Variants in AKAP7 observed in about 807,000 individuals in gnomAD.
AKAP7 encodes A-kinase anchoring protein 7.
Under a neutral mutation model 39.5 loss-of-function variants are expected in AKAP7, and 39 were observed. That is an observed-to-expected ratio of 0.99 (90% CI 0.76 to 1.29). The LOEUF (loss-of-function observed/expected upper bound fraction) is 1.29, where lower values mean the gene tolerates loss of function less well. Among genes scored for constraint, AKAP7 ranks in the 50% most tolerant of loss-of-function variants. The pLI, the probability that AKAP7 is intolerant of heterozygous loss-of-function variation, is 0.00. For missense variants in AKAP7, 414 were observed against 407.7 expected (o/e 1.02, Z -0.13); for synonymous variants, 140 against 139.1 (o/e 1.01, Z -0.05).
chr6:131,178,740 CT>C (rs1804818066), intron 5 of AKAP7, among the ~76,000 whole-genome samples: 2 of 152,196 alleles, frequency 1.3e-5, no homozygotes, highest in Admixed American at 1.3e-4. Flanking sequence ...CTATCTCCTT[CT>C]GTTTGACCTG....
chr6:131,221,505 A>G (rs1809694278), intron 7 of AKAP7, among the ~76,000 whole-genome samples: 1 of 152,244 alleles, frequency 6.6e-6, no homozygotes, highest in South Asian at 2.1e-4. Flanking sequence ...ACAGATTTTC[A>G]ATGTAGACAA....
intron 7 of AKAP7, among the ~76,000 whole-genome samples, chr6:131,234,373 T>A (rs777448045): frequency 6.6e-6 from 1 of 152,154 alleles, no homozygotes; most frequent in African/African-American, 2.4e-5. Flanking sequence ...GTAATGAAGT[T>A]AATGGGAACC....
At chr6:131,256,730 A>ATTATTATTATTATT (rs1227482379) in intron 7 of AKAP7, among the ~76,000 whole-genome samples, 14 of 151,304 alleles carry the variant, frequency 9.3e-5, no homozygotes, top group Admixed American at 8.6e-4. Flanking sequence ...TATTATTATT[A>ATTATTATTATTATT]TTATTAAAGA....
At chr6:131,278,750 C>T (rs1032145042) in intron 7 of AKAP7, among the ~76,000 whole-genome samples, 3 of 152,160 alleles carry the variant, frequency 2.0e-5, no homozygotes, top group African/African-American at 7.2e-5. Flanking sequence ...GGGAAACACA[C>T]CTCCATGATC....
intron 2 of AKAP7, 65 bp downstream of exon 2, chr6:131,145,481 AT>A (rs1325620819): frequency 6.5e-5 from 71 of 1,094,824 alleles, no homozygotes; most frequent in South Asian, 3.2e-4. Context: ...TTATATATAT[AT>A]TTTTTTCTTT....
intron 5 of AKAP7, among the ~76,000 whole-genome samples, chr6:131,192,889 A>G (rs943042381): frequency 2.0e-5 from 3 of 152,022 alleles, no homozygotes; most frequent in East Asian, 1.9e-4. Flanking sequence ...GTTGTTCACT[A>G]TTGTCATATA....
Position 131,282,512 on chromosome 6 carries a change from C to T in AKAP7, c.*786C>T. 1.3e-6 allele frequency: 2 copies of T among 1,535,832 alleles called. No individual in the cohort carries two copies. Among genetic ancestry groups the T allele is most frequent in the Non-Finnish European group, 1.7e-6 (2 of 1,146,782 alleles). ...GGAACTTTTATTAAAGCCTGAGACT[C>T]AGGCCAGAATTAGGAGGGAGCTTTT... On this transcript the variant is annotated 3_prime_UTR_variant, in exon 8 of 8. Transcript: ENST00000431975.
the AKAP7 span, among the ~76,000 whole-genome samples, chr6:131,127,045 GT>G: frequency 0.47 from 69,519 of 149,134 alleles, 17,304 homozygotes; most frequent in Non-Finnish European, 0.56. Context: ...ATTTTGCTTT[GT>G]TTTTTTTTTG....
chr6:131,157,983 A>G (rs549550584), intron 2 of AKAP7, among the ~76,000 whole-genome samples: 1 of 152,334 alleles, frequency 6.6e-6, no homozygotes, highest in African/African-American at 2.4e-5. Flanking sequence ...TATGTTGTGG[A>G]AAGAAAACAT....
intron 6 of AKAP7, among the ~76,000 whole-genome samples, chr6:131,206,301 T>A (rs1808090820): frequency 6.6e-6 from 1 of 152,222 alleles, no homozygotes; most frequent in South Asian, 2.1e-4. Context: ...ACATGACACC[T>A]CTTTGCAGCA....
At chr6:131,158,849 A>G (rs959478042) in intron 2 of AKAP7, among the ~76,000 whole-genome samples, 4 of 151,904 alleles carry the variant, frequency 2.6e-5, no homozygotes, top group African/African-American at 4.8e-5. Context: ...TCAAGAAGAC[A>G]TGGCTTGGAA....
intron 1 of AKAP7, chr6:131,136,845 A>G (rs1403457711): frequency 1.0e-6 from 1 of 985,200 alleles, no homozygotes; most frequent in East Asian, 1.1e-4. Context: ...ACTAACGTGT[A>G]AGATGCTAAT....
rs922766387 is a variant in AKAP7, at chr6:131,219,336, A to G, written c.703-325A>G. Among the ~76,000 whole-genome samples, 3 of 151,678 alleles carry G rather than the reference A, an allele frequency of 2.0e-5. No homozygotes were observed. In the East Asian group the frequency reaches 5.8e-4, roughly 29 times the overall value. Reference sequence around the variant, plus strand: ...ATCCATTTCTCCATTTTTGTTGGAGATGATTAGTCTTTCCTTGGTATCTCA... The same window carrying G: ...ATCCATTTCTCCATTTTTGTTGGAGGTGATTAGTCTTTCCTTGGTATCTCA... On this transcript the variant is annotated intron_variant, in intron 6 of 7. Coordinates refer to ENST00000431975, the MANE Select transcript of AKAP7 (RefSeq NM_016377.4).
chr6:131,264,479 A>T (rs1031689834), intron 7 of AKAP7, among the ~76,000 whole-genome samples: 3 of 152,238 alleles, frequency 2.0e-5, no homozygotes, highest in Non-Finnish European at 4.4e-5. Flanking sequence ...TATTGTTTAC[A>T]GTTATTTCAA....
chr6:131,218,037 G>C (rs976881495), intron 6 of AKAP7, among the ~76,000 whole-genome samples: 1 of 152,104 alleles, frequency 6.6e-6, no homozygotes, highest in Non-Finnish European at 1.5e-5. Flanking sequence ...GATAATGACT[G>C]TGTGTATGTG....
intron 5 of AKAP7, among the ~76,000 whole-genome samples, chr6:131,181,441 T>C (rs932921603): frequency 2.0e-5 from 3 of 152,224 alleles, no homozygotes; most frequent in African/African-American, 7.2e-5. Flanking sequence ...CAGTCCAAGC[T>C]CTGTTCATCT....
rs771737400 is a variant in AKAP7, at chr6:131,165,068, T to C, written c.292-13T>C. On this transcript the variant is annotated splice_polypyrimidine_tract_variant and intron_variant, in intron 3 of 7. Transcript: ENST00000431975. ...CACTGGAATTTTTTTTATATGTGTG[T>C]ATGTGTTATTAGATTATAAAAGGAA... 6.3e-7 allele frequency: 1 copy of C among 1,583,004 alleles called. No homozygotes were observed. Among genetic ancestry groups the C allele is most frequent in the East Asian group, 2.3e-5 (1 of 44,376 alleles).
intron 5 of AKAP7, among the ~76,000 whole-genome samples, chr6:131,182,664 AAGT>A (rs1456398136): frequency 6.6e-6 from 1 of 152,196 alleles, no homozygotes; most frequent in Non-Finnish European, 1.5e-5. Context: ...ATGTAACCAG[AAGT>A]GGAATTGCTA....
chr6:131,215,214 G>A (rs1423923393), intron 6 of AKAP7, among the ~76,000 whole-genome samples: 1 of 152,146 alleles, frequency 6.6e-6, no homozygotes, highest in Non-Finnish European at 1.5e-5. Context: ...TAACTGACAG[G>A]CAGTTGGTGG....
Sources: gnomAD v4.1 joint callset for allele counts (sites outside exome capture counted in the v4.1 genomes callset) on GRCh38, gnomAD v4.1.1 for gene constraint, MANE v1.5 for transcripts, NCBI Gene and HGNC (gene_info 2026-07-23, HGNC 2026-07-21) for gene names.